The following LMO4 variants were observed in gnomAD, a reference collection of about 807,000 sequenced individuals.
The protein encoded by LMO4 is LIM domain transcription factor LMO4.
Under a neutral mutation model 18.5 loss-of-function variants are expected in LMO4, and 3 were observed. That is an observed-to-expected ratio of 0.16 (90% CI 0.07 to 0.42). LMO4 has a LOEUF of 0.42. Among genes scored for constraint, LMO4 ranks in the 10% least tolerant of loss-of-function variants. The pLI, the probability that LMO4 is intolerant of heterozygous loss-of-function variation, is 0.99. For missense variants in LMO4, 121 were observed against 219.9 expected (o/e 0.55, Z 2.84); for synonymous variants, 100 against 88.1 (o/e 1.14, Z -0.76).
At chr1:87,331,929 G>A in intron 1 of LMO4, 84 bp from the exon 2 acceptor site, 1 of 1,136,996 alleles carries the variant, frequency 8.8e-7, no homozygotes, top group Non-Finnish European at 1.3e-6. Flanking sequence ...AGGGGAATGG[G>A]CTTGCTCTCT....
At chr1:87,330,256 TG>T (rs1650096446) in intron 1 of LMO4, among the ~76,000 whole-genome samples, 1 of 152,142 alleles carries the variant, frequency 6.6e-6, no homozygotes, top group African/African-American at 2.4e-5. Context: ...GGGAAGAGCT[TG>T]GAATCTCCTC....
At chr1:87,343,645 A>G (rs1650553536) in intron 4 of LMO4, among the ~76,000 whole-genome samples, 1 of 152,174 alleles carries the variant, frequency 6.6e-6, no homozygotes. Flanking sequence ...TAGTTACATA[A>G]TTGGTGTTGT....
At chr1:87,331,845 C>T (rs1014346968) in intron 1 of LMO4, 168 bp from the exon 2 acceptor site, 9 of 583,822 alleles carry the variant, frequency 1.5e-5, no homozygotes, top group African/African-American at 1.3e-4. Flanking sequence ...GGCGAGCCTC[C>T]CTTCTTCCCT....
chr1:87,332,336 G>A, intron 2 of LMO4, 85 bp downstream of exon 2: 1 of 1,016,028 alleles, frequency 9.8e-7, no homozygotes, highest in South Asian at 1.5e-5. Context: ...AAAGGAGTAG[G>A]CGTCTACGGG....
At chr1:87,329,746 C>A (rs1231277250) in intron 1 of LMO4, among the ~76,000 whole-genome samples, 1 of 152,046 alleles carries the variant, frequency 6.6e-6, no homozygotes, top group South Asian at 2.1e-4. Context: ...GTCTTTTGTT[C>A]CAATCCAGGA....
intron 4 of LMO4, 127 bp from the exon 5 acceptor site, chr1:87,344,661 C>T: frequency 1.1e-6 from 1 of 913,230 alleles, no homozygotes; most frequent in East Asian, 2.5e-5. Flanking sequence ...TCTATCAAGT[C>T]ACAGTTGGAA....
chr1:87,334,953 G>A (rs889270069), intron 2 of LMO4, among the ~76,000 whole-genome samples: 2 of 151,460 alleles, frequency 1.3e-5, no homozygotes, highest in African/African-American at 2.4e-5. Context: ...TCCGAATGAC[G>A]TGTCCGCAAT....
intron 1 of LMO4, among the ~76,000 whole-genome samples, chr1:87,331,015 G>A (rs1229811757): frequency 7.9e-6 from 1 of 127,164 alleles, no homozygotes; most frequent in Non-Finnish European, 1.6e-5. Context: ...AATTTAACTT[G>A]TGCATCCCTT....
At chr1:87,344,042 T>C (rs568850545) in intron 4 of LMO4, among the ~76,000 whole-genome samples, 17 of 152,344 alleles carry the variant, frequency 1.1e-4, no homozygotes, top group African/African-American at 4.1e-4. Flanking sequence ...CTATCACAGG[T>C]CATTAACACA....
chr1:87,338,360 C>T (rs937926430), intron 2 of LMO4, among the ~76,000 whole-genome samples: 5 of 152,206 alleles, frequency 3.3e-5, no homozygotes, highest in African/African-American at 1.2e-4. Flanking sequence ...TTTATTATGA[C>T]ACCAATATGT....
intron 4 of LMO4, among the ~76,000 whole-genome samples, chr1:87,341,731 A>G (rs1283090546): frequency 6.6e-6 from 1 of 152,208 alleles, no homozygotes. Context: ...ATTTACTAAT[A>G]TGGGGAGCTA....
At chr1:87,340,784 G>C (rs1262417401) in intron 4 of LMO4, among the ~76,000 whole-genome samples, 1 of 152,158 alleles carries the variant, frequency 6.6e-6, no homozygotes. Context: ...TTAAAACCAA[G>C]TTCTTGTTCT....
In LMO4 at chr1:87,345,697, G is replaced by C. The variant is rs1339607069; in HGVS notation, c.*901G>C. ...AAATTTGAAGGAGTTGAGGGAGGTG[G>C]AGTGTATATTTATTTAGCTCTGGGC... is the stretch of plus-strand genomic sequence containing the variant. On this transcript the variant is annotated 3_prime_UTR_variant, in exon 5 of 5. Coordinates refer to ENST00000370544, the MANE Select transcript of LMO4 (RefSeq NM_006769.4). The C allele has an allele frequency of 6.6e-6, 1 of 152,166 alleles. No individual in the cohort carries two copies. The highest frequency in any genetic ancestry group is 1.5e-5 in the Non-Finnish European group (1 of 68,030). The allele number at this position is 152,166 out of a possible 1,614,324, so 9.4% of individuals were successfully genotyped here.
chr1:87,338,982 T>C (rs571433431), intron 2 of LMO4, among the ~76,000 whole-genome samples: 27 of 152,300 alleles, frequency 1.8e-4, no homozygotes, highest in Admixed American at 1.7e-3. Flanking sequence ...GACACCATGA[T>C]TGAAAAGGTT....
rs1032310654 is a variant in LMO4, at chr1:87,347,843, A to G, written c.*3047A>G. 2 of 152,166 alleles carry G rather than the reference A, an allele frequency of 1.3e-5. No homozygotes were observed. The highest frequency in any genetic ancestry group is 1.9e-4 in the East Asian group (1 of 5,200). The allele number at this position is 152,166 out of a possible 1,614,324, so 9.4% of individuals were successfully genotyped here. ...GGAGCCTGAAGCTTTTCCAAACCAA[A>G]TCGTTTGCCACTAGAAACTATTTTC... On this transcript the variant is annotated 3_prime_UTR_variant, in exon 5 of 5. Coordinates refer to ENST00000370544, the MANE Select transcript of LMO4 (RefSeq NM_006769.4).
At chr1:87,332,302 C>A in intron 2 of LMO4, 51 bp downstream of exon 2, 1 of 1,420,258 alleles carries the variant, frequency 7.0e-7, no homozygotes, top group Non-Finnish European at 9.9e-7. Flanking sequence ...AATGGCAAGG[C>A]CAAAGGTTAA....
At chr1:87,331,027 A>G (rs1650122231) in intron 1 of LMO4, among the ~76,000 whole-genome samples, 1 of 121,644 alleles carries the variant, frequency 8.2e-6, no homozygotes, top group Non-Finnish European at 1.6e-5. Flanking sequence ...GCATCCCTTA[A>G]TGGTGCCTTC....
intron 4 of LMO4, 144 bp from the exon 5 acceptor site, chr1:87,344,644 G>T (rs760124485): frequency 2.6e-6 from 2 of 776,012 alleles, no homozygotes; most frequent in Non-Finnish European, 4.4e-6. Context: ...AAGTAGCATA[G>T]AAAGCCTCTA....
rs986905454 is a variant in LMO4 at position 87,330,812 on chromosome 1, T to C, written c.-3-1201T>C. ...TTAATTGGCAGTAAATAACTTGATC[T>C]TTTTACAGAATAAGTGACTAGAGGA... is the stretch of plus-strand genomic sequence containing the variant. On this transcript the variant is annotated intron_variant, in intron 1 of 4. Coordinates refer to ENST00000370544, the MANE Select transcript of LMO4 (RefSeq NM_006769.4). 1.3e-5 allele frequency among the ~76,000 whole-genome samples: 2 copies of C among 152,318 alleles called. 1 individual carries two copies. The highest frequency in any genetic ancestry group is 4.1e-4 in the South Asian group (2 of 4,830).
Sources: allele counts gnomAD v4.1 joint callset (sites outside exome capture counted in the v4.1 genomes callset), GRCh38; gene constraint gnomAD v4.1.1; transcripts MANE v1.5; gene names NCBI Gene and HGNC (gene_info 2026-07-23, HGNC 2026-07-21).